SORCS3: variants seen among roughly 807,000 people sequenced by gnomAD.
SORCS3 encodes VPS10 domain-containing receptor SorCS3.
A neutral mutation model predicts 146.3 loss-of-function variants in SORCS3; 57 were observed. The observed-to-expected ratio is 0.39, with a 90% CI of 0.31 to 0.49. The LOEUF is 0.49. SORCS3 is among the 20% of genes least tolerant of loss of function. The pLI is 0.92. For missense variants in SORCS3, 1,341 were observed against 1,575.5 expected, an observed-to-expected ratio of 0.85 and a Z score of 2.52; for synonymous variants, 653 against 618.5, an observed-to-expected ratio of 1.06 and a Z score of -0.83.
chr10:105,028,570 A>G (rs868336512), intron 4 of SORCS3, among the ~76,000 whole-genome samples: 4 of 152,202 alleles, frequency 2.6e-5, no homozygotes, highest in Non-Finnish European at 5.9e-5. Context: ...CACATGGGCC[A>G]TGAAATCAAA....
chr10:105,229,390 G>C (rs973762427), intron 20 of SORCS3, among the ~76,000 whole-genome samples: 3 of 152,038 alleles, frequency 2.0e-5, no homozygotes, highest in South Asian at 2.1e-4. Context: ...GAATTATTGT[G>C]TTCCTTCAGA....
At chr10:104,803,631 C>T (rs1015284738) in intron 1 of SORCS3, among the ~76,000 whole-genome samples, 1 of 152,078 alleles carries the variant, frequency 6.6e-6, no homozygotes, top group African/African-American at 2.4e-5. Context: ...GCACTTTTTC[C>T]CTTCTCCCTT....
intron 4 of SORCS3, among the ~76,000 whole-genome samples, chr10:104,985,072 C>A (rs569616431): frequency 2.0e-5 from 3 of 152,016 alleles, no homozygotes; most frequent in African/African-American, 4.8e-5. Context: ...GACAACTCTT[C>A]GTTTCAGGAA....
chr10:104,829,458 G>C (rs962046223), intron 1 of SORCS3, among the ~76,000 whole-genome samples: 3 of 152,160 alleles, frequency 2.0e-5, no homozygotes, highest in African/African-American at 7.2e-5. Flanking sequence ...GAGCATAATG[G>C]AAAGGTACGG....
chr10:104,807,988 T>C (rs2017697633), intron 1 of SORCS3, among the ~76,000 whole-genome samples: 1 of 152,126 alleles, frequency 6.6e-6, no homozygotes, highest in Admixed American at 6.6e-5. Flanking sequence ...GTGTTCACAG[T>C]CGTAAATAAT....
At chr10:104,856,723 C>T (rs1589525250) in intron 2 of SORCS3, among the ~76,000 whole-genome samples, 1 of 145,006 alleles carries the variant, frequency 6.9e-6, no homozygotes, top group East Asian at 2.0e-4. Flanking sequence ...TCCTTTATCT[C>T]TATCTCTCTC....
chr10:105,187,254 T>G (rs967546369), intron 14 of SORCS3, among the ~76,000 whole-genome samples: 2 of 152,322 alleles, frequency 1.3e-5, no homozygotes, highest in African/African-American at 4.8e-5. Flanking sequence ...CTTTCAATCT[T>G]TGCCGCTTTC....
chr10:104,725,012 C>T (rs2016606643), intron 1 of SORCS3, among the ~76,000 whole-genome samples: 2 of 152,302 alleles, frequency 1.3e-5, no homozygotes, highest in African/African-American at 2.4e-5. Context: ...TGTTCTGTTG[C>T]TGGTGAGGAG....
rs1491188783 is a variant in SORCS3, at chr10:104,696,633, ATT to A, written c.627+54680_627+54681del. Among the ~76,000 whole-genome samples, 33 of 97,136 alleles carry A rather than the reference ATT, an allele frequency of 3.4e-4. 2 individuals carry two copies. The highest frequency in any genetic ancestry group is 1.2e-3 in the African/African-American group (28 of 23,266). 63.7% of individuals were successfully genotyped at this position (97,136 alleles called of 152,430 possible). On this transcript the variant is annotated intron_variant, in intron 1 of 26. Transcript: ENST00000369701. ...TATAATATATATTATATACGTATATATTATATATAATATATATTATATACGTA... is the reference window on the plus strand; with the variant it reads ...TATAATATATATTATATACGTATATAATATATAATATATATTATATACGTA...
chr10:105,252,812 T>A lies in SORCS3; in HGVS notation c.3143T>A (p.Val1048Glu). 1 of 1,614,104 alleles carries A rather than the reference T, an allele frequency of 6.2e-7. No individual in the cohort carries two copies. The highest frequency in any genetic ancestry group is 8.5e-7 in the Non-Finnish European group (1 of 1,179,982). ...SVPEDQILIA[V>E]FPGLPTSAEL... ...CCAGAGGACCAGATCCTCATTGCCG[T>A]GTTTCCTGGTCTCCCCACTTCAGCA... is the stretch of plus-strand genomic sequence containing the variant. The change falls in exon 23 of 27, where the codon GTG (valine) becomes GAG (glutamate). Residue 1048 changes from valine (V) to glutamate (E), a missense_variant. Transcript: ENST00000369701.
At chr10:104,651,259 T>C (rs910677038) in intron 1 of SORCS3, among the ~76,000 whole-genome samples, 3 of 152,172 alleles carry the variant, frequency 2.0e-5, no homozygotes, top group African/African-American at 7.2e-5. Context: ...AAAGCGTCTT[T>C]TCTGTCATGA....
At chr10:105,207,669 T>A (rs1018300766) in intron 16 of SORCS3, among the ~76,000 whole-genome samples, 4 of 152,132 alleles carry the variant, frequency 2.6e-5, no homozygotes, top group Non-Finnish European at 5.9e-5. Flanking sequence ...TTAATATACA[T>A]TTAGGAGAAA....
intron 13 of SORCS3, among the ~76,000 whole-genome samples, chr10:105,171,022 AT>A (rs1283684419): frequency 2.6e-5 from 4 of 152,162 alleles, no homozygotes; most frequent in African/African-American, 9.7e-5. Flanking sequence ...TCAGACTGAC[AT>A]TGTTTTATAT....
chr10:104,668,323 T>A (rs2015809169), intron 1 of SORCS3, among the ~76,000 whole-genome samples: 1 of 152,226 alleles, frequency 6.6e-6, no homozygotes. Context: ...GACGGGCACA[T>A]GTAGAACTAC....
intron 1 of SORCS3, among the ~76,000 whole-genome samples, chr10:104,720,372 A>G (rs1305740600): frequency 6.6e-5 from 10 of 152,132 alleles, no homozygotes; most frequent in African/African-American, 2.4e-5. Flanking sequence ...AATCCAGTCT[A>G]TCATTGTTGG....
intron 1 of SORCS3, among the ~76,000 whole-genome samples, chr10:104,647,386 T>A (rs2015507567): frequency 1.3e-5 from 2 of 152,244 alleles, no homozygotes; most frequent in South Asian, 4.1e-4. Context: ...AGTGGCTCTG[T>A]GAAACTTTCC....
chr10:105,016,213 G>A (rs1388222681), intron 4 of SORCS3, among the ~76,000 whole-genome samples: 9 of 141,622 alleles, frequency 6.4e-5, no homozygotes, highest in Admixed American at 3.6e-4. Context: ...ATGCAGTGGC[G>A]CGATCTCGGC....
intron 1 of SORCS3, among the ~76,000 whole-genome samples, chr10:104,794,829 C>G (rs1174663660): frequency 6.6e-6 from 1 of 152,082 alleles, no homozygotes; most frequent in African/African-American, 2.4e-5. Context: ...AACACCCTTT[C>G]CCTCGGGATA....
intron 3 of SORCS3, among the ~76,000 whole-genome samples, chr10:104,941,223 C>T (rs2019317357): frequency 6.6e-6 from 1 of 152,096 alleles, no homozygotes. Flanking sequence ...ATCTTTGTGA[C>T]CTCCTGTCTC....
Sources: gnomAD v4.1 joint callset for allele counts (sites outside exome capture counted in the v4.1 genomes callset) on GRCh38, gnomAD v4.1.1 for gene constraint, MANE v1.5 for transcripts, NCBI Gene and HGNC (gene_info 2026-07-23, HGNC 2026-07-21) for gene names.